The following DNAH9 variants were observed in gnomAD, a reference collection of about 807,000 sequenced individuals.
DNAH9 encodes dynein axonemal heavy chain 9, also known as DNAH9 variant protein.
DNAH9 carries 345 observed loss-of-function variants against 471.6 expected under a neutral mutation model. The observed-to-expected ratio is 0.73, with a 90% CI of 0.67 to 0.80. The LOEUF (loss-of-function observed/expected upper bound fraction) is 0.80, where lower values mean the gene tolerates loss of function less well. DNAH9 is among the 30% of genes least tolerant of loss of function. The pLI, the probability that DNAH9 is intolerant of heterozygous loss-of-function variation, is 0.00. For missense variants in DNAH9, 5,407 were observed against 5,609.2 expected (o/e 0.96, Z 1.15); for synonymous variants, 2,093 against 2,123.6 (o/e 0.99, Z 0.40).
At chr17:11,949,595 C>G (rs930223253) in intron 67 of DNAH9, among the ~76,000 whole-genome samples, 1 of 152,008 alleles carries the variant, frequency 6.6e-6, no homozygotes, top group African/African-American at 2.4e-5. Context: ...AATTCTCCTG[C>G]CTCAACCTCC....
rs1039614809 is a variant in DNAH9, at chr17:11,663,055, C to T, written c.2596-1778C>T. 1.1e-4 allele frequency among the ~76,000 whole-genome samples: 16 copies of T among 151,074 alleles called. No individual in the cohort carries two copies. The East Asian group carries it at 1.2e-3, about 11-fold the overall frequency. ...CAGGCGTGAGCCACCGCGCCCGGCC[C>T]GAGGCTCGCTTTTTAAGGGTCTAAA... On this transcript the variant is annotated intron_variant, in intron 14 of 68. Transcript: ENST00000262442.
chr17:11,701,026 C>T, intron 23 of DNAH9, 96 bp from the exon 24 acceptor site: 1 of 1,363,912 alleles, frequency 7.3e-7, no homozygotes, highest in Non-Finnish European at 1.0e-6. Flanking sequence ...GTGTGGGCTC[C>T]CTTTCCTTCA....
chr17:11,906,344 C>T (rs146418977), intron 61 of DNAH9, among the ~76,000 whole-genome samples: 3,683 of 152,144 alleles, frequency 0.024, 70 homozygotes, highest in Non-Finnish European at 0.034. Context: ...AAATGTGGTA[C>T]GGCTGGGCAC....
chr17:11,641,560 C>A (rs1270903851), intron 10 of DNAH9, among the ~76,000 whole-genome samples: 1 of 152,170 alleles, frequency 6.6e-6, no homozygotes, highest in Admixed American at 6.5e-5. Flanking sequence ...AAAGAAAGAA[C>A]TGGAAGAAAT....
At position 11,652,992 on chromosome 17, in the gene DNAH9, C is replaced by A; in HGVS notation, c.2585C>A (p.Ala862Asp). 3 of 1,613,718 alleles carry A rather than the reference C, an allele frequency of 1.9e-6. No homozygotes were observed. The South Asian group carries it at 3.3e-5, about 18-fold the overall frequency. The change falls in exon 14 of 69, where the codon GCC becomes GAC. Residue 862 changes from alanine to aspartate, a missense_variant. By Grantham distance (126) the Ala-to-Asp change is moderately radical. Around this residue, in one of 3 missense-constraint regions of DNAH9, gnomAD observed 4,636 missense variants for 4,900.3 expected, o/e 0.95. Coordinates refer to ENST00000262442, the MANE Select transcript of DNAH9 (RefSeq NM_001372.4). Reference protein sequence around the residue: ...LIKESGLKIHALVQENLGLFS... With the variant: ...LIKESGLKIHDLVQENLGLFS... ...AAGGAATCTGGCCTTAAGATCCACGCCCTTGTTCAGGTAATAACCCAGCCA... is the reference window on the plus strand; with the variant it reads ...AAGGAATCTGGCCTTAAGATCCACGACCTTGTTCAGGTAATAACCCAGCCA...
chr17:11,608,157 AG>A lies in DNAH9; in HGVS notation c.447del (p.Asn150IlefsTer3). 6.2e-7 allele frequency: 1 copy of A among 1,609,576 alleles called. No homozygotes were observed. Among genetic ancestry groups the A allele is most frequent in the Non-Finnish European group, 8.5e-7 (1 of 1,176,344 alleles). ...GTTCTACCCGTCCTGGCCAATGAGA[AG>A]AATCGCCTAAACTGGCCCCACATGA... Reference protein sequence around the residue: ...EVVLPVLANEKNRLNWPHMIC... With the variant: ...EVVLPVLANEXNRLNWPHMIC... On this transcript the variant is annotated frameshift_variant, in exon 2 of 69. Coordinates refer to ENST00000262442, the MANE Select transcript of DNAH9 (RefSeq NM_001372.4). LOFTEE classifies it high-confidence loss of function.
At chr17:11,660,865 G>A (rs185052853) in intron 14 of DNAH9, among the ~76,000 whole-genome samples, 8 of 152,138 alleles carry the variant, frequency 5.3e-5, no homozygotes, top group Admixed American at 3.9e-4. Context: ...TTCTTCTTTT[G>A]TTGGGGGTAG....
At chr17:11,679,630 T>C (rs2074100162) in intron 17 of DNAH9, 127 bp from the exon 18 acceptor site, 4 of 703,430 alleles carry the variant, frequency 5.7e-6, no homozygotes, top group African/African-American at 3.5e-5. Flanking sequence ...TGCAGAGTGC[T>C]TAGTCAAGTG....
intron 17 of DNAH9, among the ~76,000 whole-genome samples, chr17:11,672,017 T>C (rs2073980492): frequency 6.6e-6 from 1 of 152,202 alleles, no homozygotes; most frequent in South Asian, 2.1e-4. Context: ...TAGAAGAAGA[T>C]TTTATTGTAT....
At chr17:11,753,373 G>A (rs566591112) in intron 33 of DNAH9, among the ~76,000 whole-genome samples, 3 of 152,104 alleles carry the variant, frequency 2.0e-5, no homozygotes, top group African/African-American at 2.4e-5. Context: ...TCCATTGAGA[G>A]GCTATTTTAT....
intron 45 of DNAH9, among the ~76,000 whole-genome samples, chr17:11,814,409 G>A (rs943590812): frequency 2.6e-5 from 4 of 152,114 alleles, no homozygotes; most frequent in African/African-American, 9.7e-5. Context: ...GACAGATTTT[G>A]TATTTTATTT....
chr17:11,838,961 A>G (rs1970938064), intron 49 of DNAH9, among the ~76,000 whole-genome samples: 1 of 152,218 alleles, frequency 6.6e-6, no homozygotes, highest in Non-Finnish European at 1.5e-5. Context: ...AAGAATACCT[A>G]TAAATCAGAG....
At chr17:11,817,445 C>G (rs1055982612) in intron 45 of DNAH9, among the ~76,000 whole-genome samples, 113 of 152,236 alleles carry the variant, frequency 7.4e-4, no homozygotes, top group African/African-American at 2.7e-3. Context: ...AAACCAGGGT[C>G]ATCAAGTTTT....
Position 11,969,324 on chromosome 17 carries a change from C to G in DNAH9, c.13258C>G (p.Leu4420Val). 2 of 1,614,052 alleles carry G rather than the reference C, an allele frequency of 1.2e-6. No individual in the cohort carries two copies. The highest frequency in any genetic ancestry group is 1.7e-6 in the Non-Finnish European group (2 of 1,179,990). The change falls in exon 69 of 69, where the codon CTG becomes GTG. Residue 4420 changes from leucine (L) to valine (V), a missense_variant. Physicochemically the swap from Leu to Val is conservative, Grantham distance 32 (BLOSUM62 1). Coordinates refer to ENST00000262442, the MANE Select transcript of DNAH9 (RefSeq NM_001372.4). ...TQAGIITEAKLKDLTPPMPVM... is the reference protein window; with the variant it reads ...TQAGIITEAKVKDLTPPMPVM... ...GGCTGGGATCATTACAGAGGCAAAG[C>G]TGAAGGATCTGACACCCCCTATGCC... is the stretch of plus-strand genomic sequence containing the variant.
intron 4 of DNAH9, among the ~76,000 whole-genome samples, chr17:11,616,496 C>T (rs8067253): frequency 0.99 from 151,077 of 152,242 alleles, 74,969 homozygotes; most frequent in East Asian, 1. Context: ...TAAGTTGCTA[C>T]GCAGATATTA....
intron 52 of DNAH9, among the ~76,000 whole-genome samples, chr17:11,872,724 T>C (rs1972323358): frequency 6.6e-6 from 1 of 152,026 alleles, no homozygotes; most frequent in African/African-American, 2.4e-5. Flanking sequence ...ATCGAGACCA[T>C]CTTGGCTAAC....
intron 4 of DNAH9, among the ~76,000 whole-genome samples, chr17:11,614,210 CTTTT>C (rs35999149): frequency 6.6e-6 from 1 of 151,356 alleles, no homozygotes; most frequent in African/African-American, 2.4e-5. Context: ...TTCAGAGCAT[CTTTT>C]TTTTTATCCT....
intron 65 of DNAH9, among the ~76,000 whole-genome samples, chr17:11,935,576 A>G (rs150170521): frequency 0.01 from 1,552 of 149,668 alleles, 28 homozygotes; most frequent in African/African-American, 0.036. Context: ...GGGTTTCATC[A>G]TGTTGGTCAG....
At chr17:11,812,875 A>G (rs1311895513) in intron 45 of DNAH9, among the ~76,000 whole-genome samples, 1 of 152,210 alleles carries the variant, frequency 6.6e-6, no homozygotes, top group Non-Finnish European at 1.5e-5. Context: ...CTAAATAATG[A>G]GAGAAGGATC....
Sources: gnomAD v4.1 joint callset for allele counts (sites outside exome capture counted in the v4.1 genomes callset) on GRCh38, gnomAD v4.1.1 for gene constraint, gnomAD v4.1.1 regional missense constraint, MANE v1.5 for transcripts, NCBI Gene and HGNC (gene_info 2026-07-23, HGNC 2026-07-21) for gene names.